Variants in ZNF787 observed in about 807,000 individuals in gnomAD.
The protein encoded by ZNF787 is zinc finger protein 787.
In ZNF787, 7 loss-of-function variants were observed where a neutral mutation model predicts 16.9. That is an observed-to-expected ratio of 0.42 (90% CI 0.24 to 0.78). The LOEUF (loss-of-function observed/expected upper bound fraction) is 0.78. Among genes scored for constraint, ZNF787 ranks in the 30% least tolerant of loss-of-function variants. The probability of loss-of-function intolerance (pLI) is 0.30; values close to 1 mark genes in which losing one functional copy is unlikely to be tolerated. For synonymous variants in ZNF787, 345 were observed against 270.9 expected (o/e 1.27, Z -2.69); for missense variants, 551 against 589.3 (o/e 0.94, Z 0.67).
intron 1 of ZNF787, 76 bp from the exon 2 acceptor site, chr19:56,103,303 G>GCCTC: frequency 3.8e-6 from 5 of 1,315,420 alleles, no homozygotes; most frequent in Non-Finnish European, 5.2e-6. Flanking sequence ...CAGGGAGGCA[G>GCCTC]CCTGCAGACC....
intron 1 of ZNF787, among the ~76,000 whole-genome samples, chr19:56,117,656 G>A (rs995239676): frequency 2.0e-5 from 3 of 152,226 alleles, no homozygotes; most frequent in Non-Finnish European, 4.4e-5. Context: ...CACCATTGAG[G>A]ATGGTCCTGT....
At position 56,098,856 on chromosome 19, in the gene ZNF787, T is replaced by A. The variant is rs376327413; in HGVS notation, c.79+4283A>T. 9.2e-4 allele frequency among the ~76,000 whole-genome samples: 119 copies of A among 129,040 alleles called. No homozygotes were observed. The South Asian group carries it at 0.015, about 16-fold the overall frequency. The allele number at this position is 129,040 out of a possible 152,430, so 84.7% of individuals were successfully genotyped here. On this transcript the variant is annotated intron_variant, in intron 2 of 2. Coordinates refer to ENST00000610935, the MANE Select transcript of ZNF787 (RefSeq NM_001002836.4). The stretch of plus-strand genomic sequence containing the variant: ...AGGGTGATACGGCCGCAGGGTGATA[T>A]GGCCACCCGGGTGATACGGCCGCAG...
chr19:56,120,592 C>G (rs2030262088), intron 1 of ZNF787, among the ~76,000 whole-genome samples: 1 of 151,830 alleles, frequency 6.6e-6, no homozygotes, highest in Non-Finnish European at 1.5e-5. Flanking sequence ...GCAGCCCGCC[C>G]GGGGCAGCAA....
chr19:56,100,168 G>T (rs550390989), intron 2 of ZNF787, among the ~76,000 whole-genome samples: 2 of 152,310 alleles, frequency 1.3e-5, no homozygotes, highest in South Asian at 4.1e-4. Context: ...CTACCCCAAG[G>T]CCTCTCTGTG....
chr19:56,087,961 G>T lies in ZNF787; in HGVS notation c.*62C>A. ...GCTTCTCCCTGGGTCTCTTGGTCTT[G>T]CACGTCGTCGCTCCCGCCAAGCCCG... On this transcript the variant is annotated 3_prime_UTR_variant, in exon 3 of 3. Transcript: ENST00000610935. The T allele has an allele frequency of 1.5e-6, 2 of 1,297,672 alleles. No individual in the cohort carries two copies. Among genetic ancestry groups the T allele is most frequent in the Non-Finnish European group, 2.0e-6 (2 of 1,025,446 alleles). 80.4% of individuals were successfully genotyped at this position (1,297,672 alleles called of 1,614,324 possible).
At chr19:56,091,951 G>GCCGAAA (rs59574241) in intron 2 of ZNF787, among the ~76,000 whole-genome samples, 4 of 28,874 alleles carry the variant, frequency 1.4e-4, no homozygotes, top group Non-Finnish European at 1.1e-3. Flanking sequence ...CAAAGCCAAA[G>GCCGAAA]CCGAAACCGA....
intron 1 of ZNF787, among the ~76,000 whole-genome samples, chr19:56,108,197 G>A (rs1020591191): frequency 2.0e-5 from 3 of 152,026 alleles, no homozygotes; most frequent in Middle Eastern, 3.4e-3. Flanking sequence ...GCCAGGAGGC[G>A]CCGCTCCCCG....
chr19:56,115,484 G>A (rs1353997310), intron 1 of ZNF787, among the ~76,000 whole-genome samples: 2 of 147,120 alleles, frequency 1.4e-5, no homozygotes, highest in East Asian at 2.1e-4. Flanking sequence ...TCAGCCTCCC[G>A]AGTAGCTGGG....
intron 1 of ZNF787, among the ~76,000 whole-genome samples, chr19:56,109,937 A>G (rs2029931149): frequency 1.3e-5 from 2 of 152,162 alleles, no homozygotes; most frequent in South Asian, 4.2e-4. Flanking sequence ...ATGTCAACCT[A>G]ATTCTCAGAC....
In ZNF787 at chr19:56,088,464, G is replaced by C. The variant is rs898378249; in HGVS notation, c.708C>G (p.Pro236=). ...CGATGATGCCCTCGCCATCGCCCACGGGGATGGCGATCTCGCCGTCCGCCG... is the reference window on the plus strand; with the variant it reads ...CGATGATGCCCTCGCCATCGCCCACCGGGATGGCGATCTCGCCGTCCGCCG... The part of the protein sequence containing the change: ...AVAADGEIAI[P]VGDGEGIIVV... Residue 236 remains proline, a synonymous_variant, in exon 3 of 3, where the codon CCC becomes CCG. Transcript: ENST00000610935. This position sits in a 1 kb window ranked among gnomAD's most constrained non-coding sequence, Gnocchi z 8.6. 2 of 1,318,592 alleles carry C rather than the reference G, an allele frequency of 1.5e-6. No individual in the cohort carries two copies. Among genetic ancestry groups the C allele is most frequent in the Non-Finnish European group, 1.9e-6 (2 of 1,035,352 alleles). The allele number at this position is 1,318,592 out of a possible 1,614,324, so 81.7% of individuals were successfully genotyped here. A position where few individuals can be genotyped will look rare whatever the true frequency, so the allele number is the denominator to read the frequency against.
At chr19:56,089,302 TCA>T (rs1370026721) in intron 2 of ZNF787, among the ~76,000 whole-genome samples, 1 of 151,962 alleles carries the variant, frequency 6.6e-6, no homozygotes, top group Non-Finnish European at 1.5e-5. Context: ...GTTAAGACCC[TCA>T]GTTTACCCCC....
At chr19:56,112,187 C>G (rs964757105) in intron 1 of ZNF787, among the ~76,000 whole-genome samples, 1 of 152,128 alleles carries the variant, frequency 6.6e-6, no homozygotes, top group Non-Finnish European at 1.5e-5. Flanking sequence ...AGGGTCCAGG[C>G]CAGCTCCCTA....
intron 1 of ZNF787, among the ~76,000 whole-genome samples, chr19:56,106,972 T>A (rs925952635): frequency 2.6e-5 from 4 of 152,080 alleles, no homozygotes; most frequent in Non-Finnish European, 5.9e-5. Flanking sequence ...CACTGCAGGG[T>A]GCTGTCAACC....
At chr19:56,100,153 G>A (rs191358193) in intron 2 of ZNF787, among the ~76,000 whole-genome samples, 7 of 152,304 alleles carry the variant, frequency 4.6e-5, no homozygotes, top group East Asian at 1.9e-4. Flanking sequence ...GCTGGTCCAC[G>A]GCATCTACCC....
At position 56,088,218 on chromosome 19, in the gene ZNF787, G is replaced by A. The variant is rs768165568; in HGVS notation, c.954C>T (p.Ile318=). The A allele has an allele frequency of 7.5e-5, 113 of 1,516,730 alleles. No individual in the cohort carries two copies. Among genetic ancestry groups the A allele is most frequent in the Non-Finnish European group, 6.3e-5 (72 of 1,138,302 alleles). The allele number at this position is 1,516,730 out of a possible 1,614,324, so 94.0% of individuals were successfully genotyped here. ...GAAGGEEPAH[I]CVECGEGFVQ... ...CGAAGCCCTCCCCGCACTCCACGCAGATGTGGGCCGGCTCCTCGCCCCCCG... is the reference window on the plus strand; with the variant it reads ...CGAAGCCCTCCCCGCACTCCACGCAAATGTGGGCCGGCTCCTCGCCCCCCG... Residue 318 remains isoleucine, a synonymous_variant, in exon 3 of 3, where the codon ATC becomes ATT. Coordinates refer to ENST00000610935, the MANE Select transcript of ZNF787 (RefSeq NM_001002836.4). The surrounding 1 kb of genome is among the most constrained non-coding windows in gnomAD (Gnocchi z 8.6).
At chr19:56,101,264 G>A (rs888075903) in intron 2 of ZNF787, among the ~76,000 whole-genome samples, 9 of 152,318 alleles carry the variant, frequency 5.9e-5, no homozygotes, top group African/African-American at 1.7e-4. Flanking sequence ...TTACGCGAAC[G>A]CCGGACACCA....
chr19:56,101,606 T>G (rs1157852392), intron 2 of ZNF787: 1 of 152,238 alleles, frequency 6.6e-6, no homozygotes, highest in Non-Finnish European at 1.5e-5. Context: ...AAATGACATT[T>G]TGTTAGATGA....
chr19:56,094,207 T>TTTTC (rs920821247), intron 2 of ZNF787, among the ~76,000 whole-genome samples: 2 of 145,618 alleles, frequency 1.4e-5, no homozygotes, highest in African/African-American at 5.2e-5. Flanking sequence ...TTTTTTTTTT[T>TTTTC]CATTTTCAGT....
intron 1 of ZNF787, among the ~76,000 whole-genome samples, chr19:56,112,878 T>TGGGGCCCCCCCCC (rs2030021420): frequency 7.9e-6 from 1 of 126,346 alleles, no homozygotes. Flanking sequence ...GACCAGCCGT[T>TGGGGCCCCCCCCC]CCCCCCACCC....
Sources: allele counts gnomAD v4.1 joint callset (sites outside exome capture counted in the v4.1 genomes callset), GRCh38; gene constraint gnomAD v4.1.1; non-coding constraint Gnocchi (gnomAD v3.1); transcripts MANE v1.5; gene names NCBI Gene and HGNC (gene_info 2026-07-23, HGNC 2026-07-21).